The following RSF1 variants were observed in gnomAD, a reference collection of about 807,000 sequenced individuals.
RSF1 encodes the protein remodeling and spacing factor 1.
RSF1 carries 13 observed loss-of-function variants against 145.2 expected under a neutral mutation model. The observed-to-expected ratio is 0.09, with a 90% confidence interval of 0.06 to 0.14. The LOEUF (loss-of-function observed/expected upper bound fraction) is 0.14, where lower values mean the gene tolerates loss of function less well. Ranked by LOEUF, RSF1 falls within the 10% of genes least tolerant of loss-of-function variation. The pLI is 1.00. For synonymous variants in RSF1, 577 were observed against 592.6 expected (o/e 0.97, Z 0.38); for missense variants, 1,517 against 1,718.2 (o/e 0.88, Z 2.07).
At position 77,701,955 on chromosome 11, in the gene RSF1, C is replaced by T; in HGVS notation, c.1274G>A (p.Cys425Tyr). The T allele has an allele frequency of 6.2e-7, 1 of 1,613,620 alleles. No homozygotes were observed. Among genetic ancestry groups the T allele is most frequent in the South Asian group, 1.1e-5 (1 of 90,940 alleles). ...KDEIKQEEET[C>Y]KRISTITALG... ...AGCAGTGATTGTAGAGATCCTTTTACAAGTCTCTTCCTCTTGTTTTATTTC... is the reference window on the plus strand; with the variant it reads ...AGCAGTGATTGTAGAGATCCTTTTATAAGTCTCTTCCTCTTGTTTTATTTC... The change falls in exon 6 of 16, where the codon TGT becomes TAT. Residue 425 changes from cysteine to tyrosine, a missense_variant. Transcript: ENST00000308488.
rs960982640 is a variant in RSF1 at position 77,814,021 on chromosome 11, C to A, written c.187+6507G>T. 6.6e-5 allele frequency among the ~76,000 whole-genome samples: 10 copies of A among 151,774 alleles called. No individual in the cohort carries two copies. In the East Asian group the frequency reaches 1.9e-3, roughly 29 times the overall value. On this transcript the variant is annotated intron_variant, in intron 1 of 15. Transcript: ENST00000308488. Reference sequence around the variant, plus strand: ...TTCAAGACCAGCCTGACCAACATGGCAAAACCTGTCCCTACTAAACACATA... The same window carrying A: ...TTCAAGACCAGCCTGACCAACATGGAAAAACCTGTCCCTACTAAACACATA...
At chr11:77,670,757 G>A (rs1959501614) in intron 15 of RSF1, among the ~76,000 whole-genome samples, 1 of 151,002 alleles carries the variant, frequency 6.6e-6, no homozygotes, top group Admixed American at 6.6e-5. Flanking sequence ...TTTCTCTTTT[G>A]TCTTGGGCTC....
At chr11:77,840,550 T>C in the RSF1 span, among the ~76,000 whole-genome samples, 1 of 152,136 alleles carries the variant, frequency 6.6e-6, no homozygotes, top group South Asian at 2.1e-4. Context: ...AAGTGTTTAA[T>C]GTATTTCTAT....
rs773902422 is a variant in RSF1, at chr11:77,764,630, T to C, written c.247A>G (p.Thr83Ala). The change falls in exon 2 of 16, where the codon ACT becomes GCT. Residue 83 changes from threonine (T) to alanine (A), a missense_variant. Around this residue, in one of 12 missense-constraint regions of RSF1, gnomAD observed 94 missense variants for 143.6 expected, o/e 0.65. Coordinates refer to ENST00000308488, the MANE Select transcript of RSF1 (RefSeq NM_016578.4). ...KLMRKIGKSV[T>A]ADRWEKYLIK... The stretch of plus-strand genomic sequence containing the variant: ...AAATATTTTTCCCATCTGTCTGCAG[T>C]AACAGATTTGCCAATTTTCCTCATC... 1 of 1,608,264 alleles carries C rather than the reference T, an allele frequency of 6.2e-7. No homozygotes were observed. The highest frequency in any genetic ancestry group is 1.1e-5 in the South Asian group (1 of 90,124).
intron 5 of RSF1, among the ~76,000 whole-genome samples, chr11:77,724,617 T>C (rs1961009805): frequency 6.6e-6 from 1 of 152,154 alleles, no homozygotes; most frequent in African/African-American, 2.4e-5. Context: ...AGGAAACAGT[T>C]TCGTGGAAGA....
chr11:77,852,970 T>C, the RSF1 span, among the ~76,000 whole-genome samples: 6 of 152,212 alleles, frequency 3.9e-5, no homozygotes, highest in Non-Finnish European at 7.3e-5. Context: ...GCTTTCAATA[T>C]TTTAGTACTA....
At chr11:77,776,922 A>G (rs1948347901) in intron 1 of RSF1, among the ~76,000 whole-genome samples, 1 of 152,218 alleles carries the variant, frequency 6.6e-6, no homozygotes, top group South Asian at 2.1e-4. Flanking sequence ...TCCTATATAG[A>G]TTATTAAACC....
Position 77,702,353 on chromosome 11 carries a change from T to G in RSF1, c.876A>C (p.Ile292=). ...CTGGCAAAGGTTTTTCTAGCTTCAC[T>G]ATGACTGGCAGTTTCACAAGTTCCT... ...DEKELVKLPV[I]VKLEKPLPEN... Residue 292 remains isoleucine (I), a synonymous_variant, in exon 6 of 16, where the codon ATA becomes ATC. Transcript: ENST00000308488. 1 of 1,612,178 alleles carries G rather than the reference T, an allele frequency of 6.2e-7. No individual in the cohort carries two copies. Among genetic ancestry groups the G allele is most frequent in the Non-Finnish European group, 8.5e-7 (1 of 1,179,620 alleles).
At chr11:77,771,095 GAAGA>G (rs1002759701) in intron 1 of RSF1, among the ~76,000 whole-genome samples, 24 of 152,144 alleles carry the variant, frequency 1.6e-4, no homozygotes, top group Non-Finnish European at 2.6e-4. Flanking sequence ...AATAAGGGGG[GAAGA>G]AAGAAAGGGA....
intron 9 of RSF1, among the ~76,000 whole-genome samples, chr11:77,690,030 C>T (rs1207722998): frequency 2.0e-5 from 3 of 151,850 alleles, no homozygotes; most frequent in Non-Finnish European, 4.4e-5. Context: ...GGCGTGGTGG[C>T]GGGTGCCTGT....
chr11:77,739,858 A>G (rs1226953959), intron 4 of RSF1, among the ~76,000 whole-genome samples: 1 of 152,230 alleles, frequency 6.6e-6, no homozygotes, highest in Non-Finnish European at 1.5e-5. Context: ...GGTTTAGGTT[A>G]TATTTCATGG....
chr11:77,812,968 C>G (rs1258646251), intron 1 of RSF1, among the ~76,000 whole-genome samples: 2 of 151,416 alleles, frequency 1.3e-5, no homozygotes. Flanking sequence ...CTGAAAAGAT[C>G]ACCTTAATTT....
chr11:77,710,260 A>AT (rs1960647545), intron 5 of RSF1, among the ~76,000 whole-genome samples: 1 of 152,206 alleles, frequency 6.6e-6, no homozygotes, highest in African/African-American at 2.4e-5. Flanking sequence ...GCTAGTTAAC[A>AT]TATGTATTAC....
intron 6 of RSF1, 52 bp downstream of exon 6, chr11:77,700,669 C>T: frequency 7.4e-7 from 1 of 1,352,088 alleles, no homozygotes; most frequent in Non-Finnish European, 9.9e-7. Flanking sequence ...ACCAAAAAAC[C>T]TATTAATATA....
intron 1 of RSF1, among the ~76,000 whole-genome samples, chr11:77,788,287 A>T (rs1330459607): frequency 6.6e-6 from 1 of 150,858 alleles, no homozygotes; most frequent in East Asian, 1.9e-4. Flanking sequence ...AACCTGACCC[A>T]GAAATTACTG....
chr11:77,857,387 A>C, the RSF1 span, among the ~76,000 whole-genome samples: 324 of 152,314 alleles, frequency 2.1e-3, 1 homozygote, highest in African/African-American at 7.1e-3. Flanking sequence ...GTGTAGGAGA[A>C]AATGCTGGAG....
In RSF1 at chr11:77,774,628, A is replaced by C. The variant is rs1396185093; in HGVS notation, c.188-9939T>G. Among the ~76,000 whole-genome samples the C allele has an allele frequency of 1.1e-4, 17 of 149,146 alleles. No individual in the cohort carries two copies. In the South Asian group the frequency reaches 3.6e-3, roughly 32 times the overall value. ...AATAAATAAATAAATAAAATAAAGA[A>C]AAGAGAGTTCCTAGGCCAGATGCTG... On this transcript the variant is annotated intron_variant, in intron 1 of 15. Transcript: ENST00000308488.
At chr11:77,670,868 A>C (rs531868783) in intron 15 of RSF1, among the ~76,000 whole-genome samples, 50 of 151,880 alleles carry the variant, frequency 3.3e-4, no homozygotes, top group South Asian at 3.1e-3. Flanking sequence ...GCACTTTGGG[A>C]GGCCAAGGTG....
the RSF1 span, among the ~76,000 whole-genome samples, chr11:77,831,157 G>A: frequency 6.6e-6 from 1 of 151,940 alleles, no homozygotes; most frequent in Non-Finnish European, 1.5e-5. Flanking sequence ...AAAAAAGAAA[G>A]AAGGAAAAAA....
Sources: gnomAD v4.1 joint callset for allele counts (sites outside exome capture counted in the v4.1 genomes callset) on GRCh38, gnomAD v4.1.1 for gene constraint, gnomAD v4.1.1 regional missense constraint, MANE v1.5 for transcripts, NCBI Gene and HGNC (gene_info 2026-07-23, HGNC 2026-07-21) for gene names.